The following IDI1 variants were observed in gnomAD, a reference collection of about 807,000 sequenced individuals.
IDI1 encodes isopentenyl-diphosphate delta isomerase 1.
In IDI1, 23 loss-of-function variants were observed where a neutral mutation model predicts 32.9. That is an observed-to-expected ratio of 0.70 (90% CI 0.50 to 0.99). The LOEUF (loss-of-function observed/expected upper bound fraction) is 0.99. Among genes scored for constraint, IDI1 ranks in the 50% least tolerant of loss-of-function variants. IDI1 has a pLI of 0.00. For synonymous variants in IDI1, 133 were observed against 128.2 expected (o/e 1.04, Z -0.25); for missense variants, 326 against 351.9 (o/e 0.93, Z 0.59).
the IDI1 span, chr10:1,056,685 G>C: frequency 6.6e-6 from 1 of 152,274 alleles, no homozygotes; most frequent in Non-Finnish European, 1.5e-5. Context: ...CAGACCCCTC[G>C]GGGCTGCGGG....
At chr10:1,049,269 C>A, upstream of IDI1, 1 of 526,082 alleles carries the variant, frequency 1.9e-6, no homozygotes, top group Non-Finnish European at 3.2e-6. Flanking sequence ...GAGCCCGAGG[C>A]GCTGCGAACG....
In IDI1 at chr10:1,041,514, TAAAAA is replaced by T. The variant is rs112832376; in HGVS notation, c.538-15_538-11del. ...TTTCTTCTGGAGGAACCTAAGACAT[TAAAAA>T]AAAAAAAGTAATTAAAACATCGGCC... On this transcript the variant is annotated splice_polypyrimidine_tract_variant and intron_variant, in intron 4 of 4. Transcript: ENST00000381344. 5.7e-6 allele frequency: 7 copies of T among 1,222,718 alleles called. No homozygotes were observed. Among genetic ancestry groups the T allele is most frequent in the Admixed American group, 2.7e-5 (1 of 36,618 alleles). The allele number at this position is 1,222,718 out of a possible 1,614,324, so 75.7% of individuals were successfully genotyped here.
intron 1 of IDI1, chr10:1,048,229 AAATG>A: frequency 7.7e-7 from 1 of 1,300,374 alleles, no homozygotes; most frequent in Non-Finnish European, 1.0e-6. Context: ...TCACAAGATA[AAATG>A]AATACGTCTA....
Position 1,041,481 on chromosome 10 carries a change from A to G in IDI1, c.561T>C (p.Tyr187=). The G allele has an allele frequency of 6.3e-7, 1 of 1,576,904 alleles. No individual in the cohort carries two copies. Among genetic ancestry groups the G allele is most frequent in the Non-Finnish European group, 8.6e-7 (1 of 1,157,990 alleles). ...GAGCTTTGTAGTGAATTCGTGTTAA[A>G]TAATTAATTTCTTCTGGAGGAACCT... ...LEEVPPEEIN[Y]LTRIHYKAQS... is the part of the protein sequence containing the mutation. The change falls in exon 5 of 5, where the codon TAT becomes TAC. Residue 187 remains tyrosine, a synonymous_variant. Transcript: ENST00000381344.
At chr10:1,045,083 C>A (rs192169518) in intron 1 of IDI1, among the ~76,000 whole-genome samples, 1 of 152,266 alleles carries the variant, frequency 6.6e-6, no homozygotes, top group Non-Finnish European at 1.5e-5. Context: ...GCTCACAGGA[C>A]GTAACAACAG....
At chr10:1,048,652 G>A in intron 1 of IDI1, 2 of 1,410,802 alleles carry the variant, frequency 1.4e-6, no homozygotes, top group Non-Finnish European at 1.8e-6. Context: ...TCACGCCTCC[G>A]CCTTCCACGG....
the IDI1 span, among the ~76,000 whole-genome samples, chr10:1,055,324 C>T: frequency 7.9e-5 from 12 of 152,172 alleles, no homozygotes; most frequent in Admixed American, 1.3e-4. Flanking sequence ...TGATTTCTTT[C>T]CCTTGTTTTG....
Position 1,039,623 on chromosome 10 carries a change from C to T in IDI1, c.*1564G>A, listed in dbSNP as rs750478376. Reference sequence around the variant, plus strand: ...CTAAGGAGTTTATCAGGTCAAAAGACATTCCTTACATTTTCTGGATGGCAT... The same window carrying T: ...CTAAGGAGTTTATCAGGTCAAAAGATATTCCTTACATTTTCTGGATGGCAT... On this transcript the variant is annotated 3_prime_UTR_variant, in exon 5 of 5. Coordinates refer to ENST00000381344, the MANE Select transcript of IDI1 (RefSeq NM_004508.4). 4.6e-5 allele frequency: 7 copies of T among 152,174 alleles called. No individual in the cohort carries two copies. Among genetic ancestry groups the T allele is most frequent in the Non-Finnish European group, 1.0e-4 (7 of 68,036 alleles). 9.4% of individuals were successfully genotyped at this position (152,174 alleles called of 1,614,324 possible).
chr10:1,047,735 T>C (rs150191422), intron 1 of IDI1, among the ~76,000 whole-genome samples: 2,546 of 152,392 alleles, frequency 0.017, 45 homozygotes, highest in Admixed American at 0.047. Flanking sequence ...TTCTCCAAAG[T>C]ATCCCTGTTA....
At chr10:1,049,462 C>T (rs569667417), upstream of IDI1, 333 of 79,594 alleles carry the variant, frequency 4.2e-3, 2 homozygotes, top group Non-Finnish European at 6.2e-3. Context: ...TGGTTGGGCA[C>T]TCCCCCCCCT....
chr10:1,051,010 T>G (rs956699662), upstream of IDI1, among the ~76,000 whole-genome samples: 1 of 152,246 alleles, frequency 6.6e-6, no homozygotes, highest in African/African-American at 2.4e-5. Context: ...GATTTTCCAA[T>G]TACTATTTGG....
upstream of IDI1, chr10:1,049,463 T>TCTCCCCCC (rs1832924800): frequency 2.1e-4 from 16 of 74,566 alleles, 1 homozygote; most frequent in African/African-American, 6.3e-4. Context: ...GGTTGGGCAC[T>TCTCCCCCC]CCCCCCCCTC....
At chr10:1,050,604 C>A (rs1211047803), upstream of IDI1, among the ~76,000 whole-genome samples, 1 of 152,174 alleles carries the variant, frequency 6.6e-6, no homozygotes, top group Non-Finnish European at 1.5e-5. Flanking sequence ...CTTAATTATT[C>A]CAGTTCTGGG....
chr10:1,049,187 A>C, upstream of IDI1: 1 of 1,040,320 alleles, frequency 9.6e-7, no homozygotes, highest in Non-Finnish European at 1.3e-6. Context: ...CCGCAGAGGC[A>C]GCGTCCCGCG....
intron 2 of IDI1, chr10:1,043,709 C>A: frequency 1.6e-6 from 1 of 644,924 alleles, no homozygotes; most frequent in South Asian, 1.5e-5. Flanking sequence ...TCTCTCCACT[C>A]TCTAGAAATA....
upstream of IDI1, chr10:1,049,234 A>C: frequency 1.6e-6 from 1 of 641,740 alleles, no homozygotes; most frequent in South Asian, 2.3e-5. Flanking sequence ...GCCGCCAGCC[A>C]ATCACGCTTT....
chr10:1,049,078 T>C lies in IDI1; in HGVS notation c.-75A>G, dbSNP rs1211111861. 4 of 1,422,620 alleles carry C rather than the reference T, an allele frequency of 2.8e-6. No homozygotes were observed. The highest frequency in any genetic ancestry group is 1.5e-5 in the African/African-American group (1 of 66,438). 88.1% of individuals were successfully genotyped at this position (1,422,620 alleles called of 1,614,324 possible). A position where few individuals can be genotyped will look rare whatever the true frequency, so the allele number is the denominator to read the frequency against. On this transcript the variant is annotated 5_prime_UTR_variant, in exon 1 of 5. Transcript: ENST00000381344. ...GCTTCGCCTGGTGGTGCCACCTCCC[T>C]GGCCTGTGACAACGGCAGACGCGCG... is the stretch of plus-strand genomic sequence containing the variant.
chr10:1,046,049 C>T (rs1016477508), intron 1 of IDI1, among the ~76,000 whole-genome samples: 8 of 152,210 alleles, frequency 5.3e-5, no homozygotes, highest in Non-Finnish European at 1.2e-4. Context: ...AGATTTCCAA[C>T]TTCTATAGGC....
intron 1 of IDI1, among the ~76,000 whole-genome samples, chr10:1,044,762 G>T (rs889376273): frequency 5.9e-5 from 9 of 152,280 alleles, no homozygotes; most frequent in African/African-American, 1.9e-4. Flanking sequence ...TTATTTGTAT[G>T]AGTTTTGTCA....
Sources: gnomAD v4.1 joint callset for allele counts (sites outside exome capture counted in the v4.1 genomes callset) on GRCh38, gnomAD v4.1.1 for gene constraint, MANE v1.5 for transcripts, NCBI Gene and HGNC (gene_info 2026-07-23, HGNC 2026-07-21) for gene names.